The following ZNF354C variants were observed in gnomAD, a reference collection of about 807,000 sequenced individuals.
ZNF354C encodes KRAB-zinc finger protein synten.
A neutral mutation model predicts 12.4 loss-of-function variants in ZNF354C; 7 were observed. That is an observed-to-expected ratio of 0.56 (90% confidence interval 0.32 to 1.06). The LOEUF is 1.06. Among genes scored for constraint, ZNF354C ranks in the 50% least tolerant of loss-of-function variants. The pLI is 0.04. For missense variants in ZNF354C, 609 were observed against 658.0 expected (o/e 0.93, Z 0.81); for synonymous variants, 202 against 224.5 (o/e 0.90, Z 0.90).
Position 179,083,561 on chromosome 5 carries a change from C to T in ZNF354C, c.*3464C>T, listed in dbSNP as rs1001919042. 8 of 152,142 alleles carry T rather than the reference C, an allele frequency of 5.3e-5. No individual in the cohort carries two copies. The highest frequency in any genetic ancestry group is 7.4e-5 in the Non-Finnish European group (5 of 68,024). The allele number at this position is 152,142 out of a possible 1,614,324, so 9.4% of individuals were successfully genotyped here. A position where few individuals can be genotyped will look rare whatever the true frequency, so the allele number is the denominator to read the frequency against. On this transcript the variant is annotated 3_prime_UTR_variant, in exon 5 of 5. Transcript: ENST00000315475. ...AAGTGATGAATATTAATCTTTCAATCAGAATTCTCCATTTATATTCTTAGG... is the reference window on the plus strand; with the variant it reads ...AAGTGATGAATATTAATCTTTCAATTAGAATTCTCCATTTATATTCTTAGG...
At chr5:179,069,634 G>A (rs1762015792) in intron 2 of ZNF354C, among the ~76,000 whole-genome samples, 1 of 151,452 alleles carries the variant, frequency 6.6e-6, no homozygotes, top group Non-Finnish European at 1.5e-5. Context: ...GGGAGGCCGA[G>A]GCGGGTGGCT....
intron 2 of ZNF354C, among the ~76,000 whole-genome samples, chr5:179,074,851 T>G (rs1169951859): frequency 6.6e-6 from 1 of 152,238 alleles, no homozygotes; most frequent in East Asian, 1.9e-4. Flanking sequence ...TCTTGCATTC[T>G]ATGTGAAACG....
intron 3 of ZNF354C, 143 bp from the exon 4 acceptor site, chr5:179,076,928 G>A (rs1186454168): frequency 1.4e-6 from 1 of 723,332 alleles, no homozygotes; most frequent in African/African-American, 1.7e-5. Flanking sequence ...CAGCTCCAGT[G>A]CCCCTGCGAA....
intron 2 of ZNF354C, among the ~76,000 whole-genome samples, chr5:179,070,176 C>G (rs754721147): frequency 6.6e-6 from 1 of 152,154 alleles, no homozygotes; most frequent in Non-Finnish European, 1.5e-5. Context: ...CTATTGTGAA[C>G]TGCGCACGTG....
In ZNF354C at chr5:179,082,986, C is replaced by G; in HGVS notation, c.*2889C>G. Reference sequence around the variant, plus strand: ...TTTCATATGGAAAAAGAGCTTCTTGCTATCCCCTACTTCATAGTTAATGAA... The same window carrying G: ...TTTCATATGGAAAAAGAGCTTCTTGGTATCCCCTACTTCATAGTTAATGAA... On this transcript the variant is annotated 3_prime_UTR_variant, in exon 5 of 5. Transcript: ENST00000315475. The G allele has an allele frequency of 2.6e-6, 2 of 780,832 alleles. No individual in the cohort carries two copies. The highest frequency in any genetic ancestry group is 4.5e-6 in the Non-Finnish European group (2 of 449,410). 48.4% of individuals were successfully genotyped at this position (780,832 alleles called of 1,614,324 possible).
Position 179,078,910 on chromosome 5 carries a change from C to G in ZNF354C, c.478C>G (p.His160Asp). 6.2e-7 allele frequency: 1 copy of G among 1,614,070 alleles called. No individual in the cohort carries two copies. Among genetic ancestry groups the G allele is most frequent in the Non-Finnish European group, 8.5e-7 (1 of 1,179,992 alleles). Residue 160 changes from histidine to aspartate, a missense_variant, in exon 5 of 5, where the codon CAT (histidine) becomes GAT (aspartate). His to Asp is a moderately conservative substitution (Grantham distance 81). Coordinates refer to ENST00000315475, the MANE Select transcript of ZNF354C (RefSeq NM_014594.3). ...HEKTISEDGN[H>D]TSLELGKSLF... ...GAAAACCATCAGTGAAGATGGAAAC[C>G]ATACAAGTCTTGAATTGGGGAAAAG... is the stretch of plus-strand genomic sequence containing the variant.
At chr5:179,071,788 T>C (rs1431904868) in intron 2 of ZNF354C, among the ~76,000 whole-genome samples, 1 of 152,102 alleles carries the variant, frequency 6.6e-6, no homozygotes, top group Admixed American at 6.6e-5. Flanking sequence ...AGCCCCAGAT[T>C]CTGTGCACAA....
Position 179,079,700 on chromosome 5 carries a change from A to G in ZNF354C, c.1268A>G (p.Gln423Arg). The G allele has an allele frequency of 6.2e-7, 1 of 1,614,200 alleles. No individual in the cohort carries two copies. Among genetic ancestry groups the G allele is most frequent in the Non-Finnish European group, 8.5e-7 (1 of 1,180,034 alleles). Residue 423 changes from glutamine to arginine, a missense_variant, in exon 5 of 5, where the codon CAG becomes CGG. Transcript: ENST00000315475. The surrounding 1 kb of genome is among the most constrained non-coding windows in gnomAD (Gnocchi z 4.2). The stretch of plus-strand genomic sequence containing the variant: ...AACGAATGTGAGAAAGCCTTCAACC[A>G]GTATTCATCCTTTAATGAACATCGG... The part of the protein sequence containing the change: ...QCNECEKAFN[Q>R]YSSFNEHRKI...
rs1762181816 is a variant in ZNF354C at position 179,079,244 on chromosome 5, C to CT, written c.814dup (p.Tyr272LeufsTer4). On this transcript the variant is annotated frameshift_variant, in exon 5 of 5. Transcript: ENST00000315475. LOFTEE classifies it low-confidence loss of function (END_TRUNC). The surrounding 1 kb of genome is among the most constrained non-coding windows in gnomAD (Gnocchi z 4.2). ...CAGAGAATTCATACTGGAGAGAAAC[C>CT]TTACAAGTGTAATGAATGTGAGAAG... 6.2e-7 allele frequency: 1 copy of CT among 1,613,802 alleles called. No individual in the cohort carries two copies. The highest frequency in any genetic ancestry group is 1.3e-5 in the African/African-American group (1 of 74,842).
chr5:179,082,476 A>G lies in ZNF354C; in HGVS notation c.*2379A>G, dbSNP rs1225034069. 1.1e-5 allele frequency: 6 copies of G among 546,548 alleles called. No homozygotes were observed. The East Asian group carries it at 1.5e-4, about 14-fold the overall frequency. 33.9% of individuals were successfully genotyped at this position (546,548 alleles called of 1,614,324 possible). ...ATAGGACAACTGGACTTTTTTTTATATATTTATTTTAAAATGGTTTTCTTA... is the reference window on the plus strand; with the variant it reads ...ATAGGACAACTGGACTTTTTTTTATGTATTTATTTTAAAATGGTTTTCTTA... On this transcript the variant is annotated 3_prime_UTR_variant, in exon 5 of 5. Coordinates refer to ENST00000315475, the MANE Select transcript of ZNF354C (RefSeq NM_014594.3).
At chr5:179,065,432 T>C (rs1034113545) in intron 2 of ZNF354C, among the ~76,000 whole-genome samples, 4 of 152,148 alleles carry the variant, frequency 2.6e-5, no homozygotes, top group African/African-American at 9.7e-5. Context: ...TTTTGTTTTT[T>C]TTGAGGTGGA....
intron 4 of ZNF354C, 145 bp from the exon 5 acceptor site, chr5:179,078,538 G>C: frequency 4.6e-6 from 3 of 657,590 alleles, no homozygotes; most frequent in Non-Finnish European, 7.7e-6. Context: ...ATCCCATCCT[G>C]TTCTTCCCAA....
chr5:179,062,209 A>G, intron 2 of ZNF354C, 114 bp downstream of exon 2: 2 of 1,366,770 alleles, frequency 1.5e-6, no homozygotes, highest in South Asian at 1.2e-5. Context: ...ACGATGAAGA[A>G]TCCGGAACCT....
At chr5:179,072,206 G>A (rs115208607) in intron 2 of ZNF354C, among the ~76,000 whole-genome samples, 134 of 151,934 alleles carry the variant, frequency 8.8e-4, no homozygotes, top group African/African-American at 3.1e-3. Context: ...GAACTAATAG[G>A]AAATGCAAGC....
intron 1 of ZNF354C, among the ~76,000 whole-genome samples, chr5:179,061,748 C>T (rs987798005): frequency 6.6e-6 from 1 of 151,988 alleles, no homozygotes; most frequent in Non-Finnish European, 1.5e-5. Context: ...TCAAAGCTAG[C>T]GAAGGACTCC....
chr5:179,078,657 G>A (rs1038139128), intron 4 of ZNF354C, 26 bp from the exon 5 acceptor site: 1 of 1,545,846 alleles, frequency 6.5e-7, no homozygotes, highest in Non-Finnish European at 8.7e-7. Flanking sequence ...AGCAGAGGAG[G>A]CATTAATTCT....
rs961779839 is a variant in ZNF354C, at chr5:179,082,925, A to G, written c.*2828A>G. The G allele has an allele frequency of 3.4e-5, 32 of 933,162 alleles. No homozygotes were observed. The highest frequency in any genetic ancestry group is 1.3e-4 in the African/African-American group (8 of 61,804). 57.8% of individuals were successfully genotyped at this position (933,162 alleles called of 1,614,324 possible). On this transcript the variant is annotated 3_prime_UTR_variant, in exon 5 of 5. Coordinates refer to ENST00000315475, the MANE Select transcript of ZNF354C (RefSeq NM_014594.3). ...GAAGAATCACGGAGAACTCCACCTC[A>G]TCTCCTGCCTGGAGCTCAAGGCCAT...
chr5:179,076,125 C>T (rs1207650384), intron 2 of ZNF354C, among the ~76,000 whole-genome samples: 1 of 152,164 alleles, frequency 6.6e-6, no homozygotes, highest in Non-Finnish European at 1.5e-5. Context: ...CCGAGCCTAG[C>T]ACTCCAGTCT....
intron 4 of ZNF354C, among the ~76,000 whole-genome samples, chr5:179,078,265 G>A (rs1762156764): frequency 6.6e-6 from 1 of 152,348 alleles, no homozygotes; most frequent in South Asian, 2.1e-4. Context: ...AGGGACATGT[G>A]AGTAAGAAGG....
Sources: gnomAD v4.1 joint callset for allele counts (sites outside exome capture counted in the v4.1 genomes callset) on GRCh38, gnomAD v4.1.1 for gene constraint, Gnocchi (gnomAD v3.1) non-coding constraint, MANE v1.5 for transcripts, NCBI Gene and HGNC (gene_info 2026-07-23, HGNC 2026-07-21) for gene names.